CTNND2: variants seen among roughly 807,000 people sequenced by gnomAD.
CTNND2 encodes catenin delta-2.
A neutral mutation model predicts 144.4 loss-of-function variants in CTNND2; 22 were observed. The ratio of observed to expected loss-of-function variants is 0.15; its 90% CI spans 0.11 to 0.22. The LOEUF (loss-of-function observed/expected upper bound fraction) is 0.22. Among genes scored for constraint, CTNND2 ranks in the 10% least tolerant of loss-of-function variants. The probability of loss-of-function intolerance (pLI) is 1.00; values close to 1 mark genes in which losing one functional copy is unlikely to be tolerated. For synonymous variants in CTNND2, 751 were observed against 695.6 expected (o/e 1.08, Z -1.25); for missense variants, 1,353 against 1,618.8 (o/e 0.84, Z 2.82).
intron 2 of CTNND2, among the ~76,000 whole-genome samples, chr5:11,706,528 A>G (rs1785701394): frequency 6.6e-6 from 1 of 152,218 alleles, no homozygotes; most frequent in East Asian, 1.9e-4. Context: ...GCACCACCAA[A>G]TCAAGATACA....
intron 1 of CTNND2, among the ~76,000 whole-genome samples, chr5:11,868,897 AT>A (rs1445846771): frequency 6.6e-6 from 1 of 152,172 alleles, no homozygotes; most frequent in Non-Finnish European, 1.5e-5. Context: ...TAAGAAATAC[AT>A]TCCCTTTATT....
chr5:11,717,419 CA>C (rs1384487833), intron 2 of CTNND2, among the ~76,000 whole-genome samples: 1 of 149,756 alleles, frequency 6.7e-6, no homozygotes, highest in South Asian at 2.1e-4. Flanking sequence ...ACTGCAAATA[CA>C]AAAAAAATTA....
chr5:11,078,469 G>T (rs1427820198), intron 16 of CTNND2, among the ~76,000 whole-genome samples: 1 of 152,162 alleles, frequency 6.6e-6, no homozygotes, highest in East Asian at 1.9e-4. Flanking sequence ...ACATTTGATA[G>T]TAAAGGTTTC....
At chr5:11,843,627 A>G (rs1005878790) in intron 1 of CTNND2, among the ~76,000 whole-genome samples, 1 of 152,224 alleles carries the variant, frequency 6.6e-6, no homozygotes, top group African/African-American at 2.4e-5. Flanking sequence ...ATGATATTTG[A>G]GATAATACTC....
At chr5:11,593,024 G>A (rs1276778298) in intron 2 of CTNND2, among the ~76,000 whole-genome samples, 1 of 151,126 alleles carries the variant, frequency 6.6e-6, no homozygotes, top group African/African-American at 2.4e-5. Flanking sequence ...TTCACCTGTT[G>A]AAAAAAAATG....
intron 12 of CTNND2, among the ~76,000 whole-genome samples, chr5:11,121,457 T>C (rs947935851): frequency 1.3e-5 from 2 of 152,220 alleles, no homozygotes; most frequent in Non-Finnish European, 2.9e-5. Flanking sequence ...AAAATGTGCA[T>C]AATATCTCAT....
At chr5:11,417,664 AG>A (rs1762033471) in intron 3 of CTNND2, among the ~76,000 whole-genome samples, 2 of 152,248 alleles carry the variant, frequency 1.3e-5, no homozygotes, top group Admixed American at 1.3e-4. Context: ...GTGTGGGGGA[AG>A]AAATGGGGAA....
At chr5:11,654,424 C>T (rs77331494) in intron 2 of CTNND2, among the ~76,000 whole-genome samples, 1,808 of 152,062 alleles carry the variant, frequency 0.012, 11 homozygotes, top group East Asian at 0.049. Context: ...TTTTATACTT[C>T]TCAGAGTATA....
chr5:11,712,732 C>G (rs1412705075), intron 2 of CTNND2, among the ~76,000 whole-genome samples: 1 of 152,078 alleles, frequency 6.6e-6, no homozygotes, highest in African/African-American at 2.4e-5. Flanking sequence ...TAAAATAAAA[C>G]AAAAGAGTCG....
intron 2 of CTNND2, among the ~76,000 whole-genome samples, chr5:11,610,122 T>C (rs893040579): frequency 2.6e-5 from 4 of 152,154 alleles, no homozygotes; most frequent in Non-Finnish European, 1.5e-5. Flanking sequence ...ATACACTGAG[T>C]TCTCTCTACA....
chr5:11,263,642 T>A (rs1326762611), intron 9 of CTNND2, among the ~76,000 whole-genome samples: 1 of 152,158 alleles, frequency 6.6e-6, no homozygotes, highest in African/African-American at 2.4e-5. Context: ...GGTGGCACCA[T>A]GAACCACTTG....
chr5:11,445,451 G>A (rs561983256), intron 3 of CTNND2, among the ~76,000 whole-genome samples: 5 of 152,260 alleles, frequency 3.3e-5, no homozygotes, highest in East Asian at 1.9e-4. Flanking sequence ...GGAACTAAAC[G>A]GTGGGTTGAG....
At chr5:11,898,721 C>T (rs920309332) in intron 1 of CTNND2, among the ~76,000 whole-genome samples, 3 of 152,160 alleles carry the variant, frequency 2.0e-5, no homozygotes, top group African/African-American at 7.2e-5. Context: ...CCCAGTAAGG[C>T]CTTTTATCAT....
At chr5:11,207,450 T>C (rs1349853559) in intron 10 of CTNND2, among the ~76,000 whole-genome samples, 1 of 151,920 alleles carries the variant, frequency 6.6e-6, no homozygotes, top group Non-Finnish European at 1.5e-5. Context: ...CAATTACATA[T>C]AGTTAGTACC....
intron 15 of CTNND2, among the ~76,000 whole-genome samples, chr5:11,084,142 T>C (rs1378261819): frequency 6.6e-6 from 1 of 152,222 alleles, no homozygotes; most frequent in Admixed American, 6.5e-5. Context: ...ATCTCTTGGC[T>C]GCAGTGAACT....
intron 17 of CTNND2, among the ~76,000 whole-genome samples, chr5:11,020,689 A>C (rs1430006044): frequency 6.6e-6 from 1 of 152,192 alleles, no homozygotes; most frequent in Non-Finnish European, 1.5e-5. Context: ...ACGAGGATAA[A>C]TGTAGTTATA....
intron 9 of CTNND2, among the ~76,000 whole-genome samples, chr5:11,316,361 G>A (rs762570007): frequency 1.3e-5 from 2 of 151,932 alleles, no homozygotes; most frequent in Non-Finnish European, 2.9e-5. Flanking sequence ...GAGTAGCTGG[G>A]ACTATAGGCG....
chr5:11,182,223 G>A (rs1448421357), intron 11 of CTNND2, among the ~76,000 whole-genome samples: 1 of 151,064 alleles, frequency 6.6e-6, no homozygotes, highest in Non-Finnish European at 1.5e-5. Flanking sequence ...TGTAGTGTGT[G>A]TGTGGTATAT....
rs571893100 is a variant in CTNND2 at position 11,395,397 on chromosome 5, C to A, written c.612+1634G>T. Among the ~76,000 whole-genome samples, 7 of 152,330 alleles carry A rather than the reference C, an allele frequency of 4.6e-5. No individual in the cohort carries two copies. The East Asian group carries it at 1.3e-3, about 29-fold the overall frequency. ...AGTAGAGTGAATTAGAACATTTCAA[C>A]TCCTGGTTTGATTATTCATACTTGT... is the stretch of plus-strand genomic sequence containing the variant. On this transcript the variant is annotated intron_variant, in intron 6 of 21. Transcript: ENST00000304623.
Sources: gnomAD v4.1 joint callset for allele counts (sites outside exome capture counted in the v4.1 genomes callset) on GRCh38, gnomAD v4.1.1 for gene constraint, MANE v1.5 for transcripts, NCBI Gene and HGNC (gene_info 2026-07-23, HGNC 2026-07-21) for gene names.